The following PHAF1 variants were observed in gnomAD, a reference collection of about 807,000 sequenced individuals.
The protein encoded by PHAF1 is phagophore assembly factor 1.
A neutral mutation model predicts 63.1 loss-of-function variants in PHAF1; 23 were observed. The observed-to-expected ratio is 0.36, with a 90% CI of 0.26 to 0.52. PHAF1 has a LOEUF of 0.52. PHAF1 is among the 20% of genes least tolerant of loss of function. The probability of loss-of-function intolerance (pLI) is 0.93; values close to 1 mark genes in which losing one functional copy is unlikely to be tolerated. For missense variants in PHAF1, 427 were observed against 517.2 expected, an observed-to-expected ratio of 0.83 and a Z score of 1.69; for synonymous variants, 167 against 185.0, an observed-to-expected ratio of 0.90 and a Z score of 0.79.
chr16:67,118,071 C>T (rs1431407795), intron 1 of PHAF1, among the ~76,000 whole-genome samples: 2 of 150,100 alleles, frequency 1.3e-5, no homozygotes, highest in African/African-American at 2.4e-5. Context: ...TCTCCTGTCT[C>T]AGCCTCCCAA....
intron 2 of PHAF1, among the ~76,000 whole-genome samples, 173 bp from the exon 3 acceptor site, chr16:67,125,786 C>G (rs1963165157): frequency 6.6e-6 from 1 of 152,188 alleles, no homozygotes; most frequent in Non-Finnish European, 1.5e-5. Context: ...GTAAAAAACA[C>G]CATATGTTCA....
chr16:67,132,131 C>G (rs978226298), intron 4 of PHAF1: 6 of 221,158 alleles, frequency 2.7e-5, no homozygotes, highest in Non-Finnish European at 5.3e-5. Context: ...CCTGCAGGTT[C>G]TAGTTGTCTT....
In PHAF1 at chr16:67,131,356, G is replaced by A. The variant is rs765817872; in HGVS notation, c.275+27G>A. ...TAAGTTTTCTCCCCTGCTGGTATAT[G>A]TCACACTTGGTATAGACAGGCCATA... On this transcript the variant is annotated intron_variant, in intron 4 of 15. Transcript: ENST00000219139. The A allele has an allele frequency of 7.3e-6, 11 of 1,502,894 alleles. No homozygotes were observed. The African/African-American group carries it at 1.4e-4, about 19-fold the overall frequency. The allele number at this position is 1,502,894 out of a possible 1,614,324, so 93.1% of individuals were successfully genotyped here.
At chr16:67,142,335 AC>A (rs1469091029) in intron 10 of PHAF1, among the ~76,000 whole-genome samples, 2 of 152,212 alleles carry the variant, frequency 1.3e-5, no homozygotes, top group African/African-American at 4.8e-5. Flanking sequence ...CGGAAAAAGC[AC>A]CATAAATTCT....
chr16:67,124,469 G>A (rs534539322), intron 2 of PHAF1, among the ~76,000 whole-genome samples: 1 of 152,308 alleles, frequency 6.6e-6, no homozygotes, highest in African/African-American at 2.4e-5. Context: ...AAGACTCTTA[G>A]GAGAGAATTT....
At chr16:67,115,115 G>A (rs898763390) in intron 1 of PHAF1, among the ~76,000 whole-genome samples, 4 of 152,158 alleles carry the variant, frequency 2.6e-5, no homozygotes, top group Non-Finnish European at 4.4e-5. Context: ...AAGGAGGGTG[G>A]TCAACAGGAT....
At chr16:67,134,506 T>A (rs748327050) in intron 8 of PHAF1, 39 bp downstream of exon 8, 7 of 1,503,464 alleles carry the variant, frequency 4.7e-6, no homozygotes, top group Non-Finnish European at 6.5e-6. Flanking sequence ...TTCCGCATTA[T>A]ACCCATGTTG....
At chr16:67,133,532 C>T (rs1388481000) in intron 6 of PHAF1, among the ~76,000 whole-genome samples, 5 of 149,168 alleles carry the variant, frequency 3.4e-5, no homozygotes, top group Non-Finnish European at 5.9e-5. Flanking sequence ...ACAGGCCGGG[C>T]GCAGTGGCTC....
At chr16:67,126,096 A>G in intron 3 of PHAF1, 54 bp downstream of exon 3, 1 of 1,352,222 alleles carries the variant, frequency 7.4e-7, no homozygotes, top group South Asian at 1.2e-5. Context: ...GTCTTTCTGG[A>G]GCTAATTAGT....
chr16:67,143,366 C>T (rs541136686), intron 10 of PHAF1, among the ~76,000 whole-genome samples: 1 of 151,936 alleles, frequency 6.6e-6, no homozygotes, highest in South Asian at 2.1e-4. Flanking sequence ...GTGAAACCCC[C>T]ATCTCCACTA....
At chr16:67,146,975 C>A in intron 15 of PHAF1, 70 bp from the exon 16 acceptor site, 1 of 1,385,400 alleles carries the variant, frequency 7.2e-7, no homozygotes, top group Non-Finnish European at 1.0e-6. Flanking sequence ...AACCTCCAGC[C>A]CTCATGCACA....
rs770813088 is a variant in PHAF1 at position 67,146,341 on chromosome 16, G to C, written c.1173G>C (p.Met391Ile). Residue 391 changes from methionine to isoleucine, a missense_variant, in exon 15 of 16, where the codon ATG becomes ATC. Transcript: ENST00000219139. Reference sequence around the variant, plus strand: ...CATTCTGCTTTGGTCTTCAGCGAATGATCTTTGAGGTAAGCTGTGGAAGCC... The same window carrying C: ...CATTCTGCTTTGGTCTTCAGCGAATCATCTTTGAGGTAAGCTGTGGAAGCC... ...GSTFCFGLQRMIFEVMQNNHI... is the reference protein window; with the variant it reads ...GSTFCFGLQRIIFEVMQNNHI... 6.2e-7 allele frequency: 1 copy of C among 1,613,998 alleles called. No individual in the cohort carries two copies. The highest frequency in any genetic ancestry group is 2.2e-5 in the East Asian group (1 of 44,880).
At position 67,140,579 on chromosome 16, in the gene PHAF1, C is replaced by T. The variant is rs543292278; in HGVS notation, c.864C>T (p.Tyr288=). 1.6e-5 allele frequency: 26 copies of T among 1,593,614 alleles called. No homozygotes were observed. Among genetic ancestry groups the T allele is most frequent in the East Asian group, 2.2e-5 (1 of 44,784 alleles). ...PSKCNDYFFN[Y]FTLGVDILFD... ...AGTGTAATGACTACTTTTTTAACTA[C>T]TTCACTCTTGGAGTGGTAAGTTGTG... is the stretch of plus-strand genomic sequence containing the variant. Residue 288 remains tyrosine (Y), a synonymous_variant, in exon 10 of 16, where the codon TAC becomes TAT. Coordinates refer to ENST00000219139, the MANE Select transcript of PHAF1 (RefSeq NM_025187.5).
In PHAF1 at chr16:67,140,045, T is replaced by C. The variant is rs1963749488; in HGVS notation, c.723T>C (p.Phe241=). 2 of 1,614,198 alleles carry C rather than the reference T, an allele frequency of 1.2e-6. No homozygotes were observed. The highest frequency in any genetic ancestry group is 1.7e-6 in the Non-Finnish European group (2 of 1,180,028). The change falls in exon 9 of 16, where the codon TTT becomes TTC. Residue 241 remains phenylalanine (F), a synonymous_variant. Transcript: ENST00000219139. ...KMRVFERSVY[F]GDSCQDVLSM... is the part of the protein sequence containing the mutation. Reference sequence around the variant, plus strand: ...GGGTATTTGAACGTTCAGTGTATTTTGGTGATTCCTGCCAAGATGTTCTTA... The same window carrying C: ...GGGTATTTGAACGTTCAGTGTATTTCGGTGATTCCTGCCAAGATGTTCTTA...
intron 8 of PHAF1, among the ~76,000 whole-genome samples, chr16:67,136,552 T>TC (rs1963613957): frequency 2.9e-5 from 4 of 136,852 alleles, no homozygotes; most frequent in African/African-American, 6.0e-5. Context: ...AGGCATTGAT[T>TC]CCTTTTTTTT....
chr16:67,121,118 A>G (rs1291144498), intron 2 of PHAF1, among the ~76,000 whole-genome samples: 4 of 152,180 alleles, frequency 2.6e-5, no homozygotes, highest in Non-Finnish European at 5.9e-5. Flanking sequence ...TGCCTATGAC[A>G]GAACAGGAGA....
chr16:67,145,297 G>A (rs953233168), intron 12 of PHAF1, 79 bp from the exon 13 acceptor site: 8 of 1,522,164 alleles, frequency 5.3e-6, no homozygotes, highest in Non-Finnish European at 7.2e-6. Context: ...AGGGACACCA[G>A]GTCTGGTTCC....
intron 4 of PHAF1, 167 bp from the exon 5 acceptor site, chr16:67,132,279 C>T: frequency 1.6e-6 from 1 of 622,916 alleles, no homozygotes; most frequent in Non-Finnish European, 2.8e-6. Context: ...CTTCTCCTGA[C>T]CTCATTAATG....
chr16:67,120,571 G>A (rs1419914934), intron 2 of PHAF1, among the ~76,000 whole-genome samples: 1 of 150,644 alleles, frequency 6.6e-6, no homozygotes, highest in Non-Finnish European at 1.5e-5. Context: ...TTTGTGTTCA[G>A]GATTTTTGCA....
Sources: gnomAD v4.1 joint callset for allele counts (sites outside exome capture counted in the v4.1 genomes callset) on GRCh38, gnomAD v4.1.1 for gene constraint, MANE v1.5 for transcripts, NCBI Gene and HGNC (gene_info 2026-07-23, HGNC 2026-07-21) for gene names.